The following WIPI1 variants were observed in gnomAD, a reference collection of about 807,000 sequenced individuals.
WIPI1 encodes the protein WD repeat domain, phosphoinositide interacting 1.
A neutral mutation model predicts 55.3 loss-of-function variants in WIPI1; 45 were observed. That is an observed-to-expected ratio of 0.81 (90% CI 0.64 to 1.04). WIPI1 has a LOEUF of 1.04. Ranked by LOEUF, WIPI1 falls within the 50% of genes least tolerant of loss-of-function variation. The pLI is 0.00. For missense variants in WIPI1, 445 were observed against 559.0 expected (o/e 0.80, Z 2.06); for synonymous variants, 195 against 217.6 (o/e 0.90, Z 0.92).
rs3217174 is a variant in WIPI1, at chr17:68,436,521, GGA to G, written c.431-44_431-43del. 4.0e-4 allele frequency: 633 copies of G among 1,585,852 alleles called. 4 individuals carry two copies. In the East Asian group the frequency reaches 0.011, roughly 29 times the overall value. On this transcript the variant is annotated intron_variant, in intron 4 of 12. Coordinates refer to ENST00000262139, the MANE Select transcript of WIPI1 (RefSeq NM_017983.7). The stretch of plus-strand genomic sequence containing the variant: ...AGAACATGAGAAGCCTGGGGCCAAG[GGA>G]GAGATTGCACGGCTGGAGAGGGCAT...
chr17:68,422,496 C>G (rs2082863655), intron 12 of WIPI1: 1 of 150,294 alleles, frequency 6.7e-6, no homozygotes, highest in Admixed American at 6.6e-5. Flanking sequence ...CTTTAGGAGG[C>G]TGAGGGGGGT....
At chr17:68,428,342 C>T (rs1477054891) in intron 10 of WIPI1, 4 of 159,256 alleles carry the variant, frequency 2.5e-5, no homozygotes, top group African/African-American at 9.7e-5. Context: ...GATTCTCCCA[C>T]CTCAGCCTCC....
intron 9 of WIPI1, among the ~76,000 whole-genome samples, chr17:68,429,659 G>T (rs1436036760): frequency 6.6e-6 from 1 of 152,036 alleles, no homozygotes; most frequent in African/African-American, 2.4e-5. Context: ...CATGATCTCG[G>T]CTCACTGCAA....
intron 4 of WIPI1, among the ~76,000 whole-genome samples, chr17:68,438,008 T>C (rs982046730): frequency 6.9e-6 from 1 of 145,938 alleles, no homozygotes; most frequent in Non-Finnish European, 1.5e-5. Context: ...GTATATTAAG[T>C]GGGTTTCTTC....
intron 4 of WIPI1, among the ~76,000 whole-genome samples, chr17:68,443,203 T>A (rs1402425811): frequency 3.3e-5 from 5 of 152,162 alleles, no homozygotes; most frequent in Non-Finnish European, 5.9e-5. Flanking sequence ...CTCCGCCTCC[T>A]GGGTTCAAGT....
intron 10 of WIPI1, chr17:68,428,606 T>C: frequency 2.0e-6 from 1 of 489,552 alleles, no homozygotes. Flanking sequence ...GGAGACCATC[T>C]TGTGTGTTAT....
At position 68,457,439 on chromosome 17, in the gene WIPI1, AAGCC is replaced by A; in HGVS notation, c.-22_-19del. On this transcript the variant is annotated 5_prime_UTR_variant, in exon 1 of 13. Coordinates refer to ENST00000262139, the MANE Select transcript of WIPI1 (RefSeq NM_017983.7). ...GCCTCCATCGGGGGCTCGGCCCGGG[AAGCC>A]GCAGCTCGGAGCCGGCGACAGCCAC... The A allele has an allele frequency of 2.4e-6, 1 of 416,338 alleles. No homozygotes were observed. Among genetic ancestry groups the A allele is most frequent in the South Asian group, 5.0e-5 (1 of 19,982 alleles). The allele number at this position is 416,338 out of a possible 1,614,324, so 25.8% of individuals were successfully genotyped here.
chr17:68,422,072 T>G (rs1474728254), intron 12 of WIPI1: 1 of 484,864 alleles, frequency 2.1e-6, no homozygotes, highest in Non-Finnish European at 3.7e-6. Context: ...TTTATATGTA[T>G]ATGTATATAT....
At chr17:68,440,094 G>A (rs1285232645) in intron 4 of WIPI1, among the ~76,000 whole-genome samples, 1 of 152,184 alleles carries the variant, frequency 6.6e-6, no homozygotes, top group African/African-American at 2.4e-5. Flanking sequence ...AAGGGACAAA[G>A]GATAAGAGTG....
In WIPI1 at chr17:68,457,468, C is replaced by T; in HGVS notation, c.-47G>A. 1.4e-6 allele frequency: 2 copies of T among 1,380,132 alleles called. No homozygotes were observed. Among genetic ancestry groups the T allele is most frequent in the Non-Finnish European group, 1.9e-6 (2 of 1,067,922 alleles). The allele number at this position is 1,380,132 out of a possible 1,614,324, so 85.5% of individuals were successfully genotyped here. A position where few individuals can be genotyped will look rare whatever the true frequency, so the allele number is the denominator to read the frequency against. The stretch of plus-strand genomic sequence containing the variant: ...CGCAGCTCGGAGCCGGCGACAGCCA[C>T]CTCAGCAGCCCGCCCGCGCCGGCTC... On this transcript the variant is annotated 5_prime_UTR_variant, in exon 1 of 13. It adds an upstream start codon to the 5' untranslated region. Coordinates refer to ENST00000262139, the MANE Select transcript of WIPI1 (RefSeq NM_017983.7).
rs1357300963 is a variant in WIPI1 at position 68,421,593 on chromosome 17, A to G, written c.*180T>C. ...ACAATGTCTCCCGCGCCCATTGGCA[A>G]CCAGGGTCGTGGGAAGCTTGGTGAG... On this transcript the variant is annotated 3_prime_UTR_variant, in exon 13 of 13. Coordinates refer to ENST00000262139, the MANE Select transcript of WIPI1 (RefSeq NM_017983.7). 1.3e-6 allele frequency: 1 copy of G among 760,738 alleles called. No homozygotes were observed. The highest frequency in any genetic ancestry group is 2.2e-6 in the Non-Finnish European group (1 of 453,008). 47.1% of individuals were successfully genotyped at this position (760,738 alleles called of 1,614,324 possible).
intron 1 of WIPI1, 135 bp downstream of exon 1, chr17:68,457,207 T>C: frequency 9.6e-7 from 1 of 1,039,938 alleles, no homozygotes; most frequent in Non-Finnish European, 1.4e-6. Context: ...AAGATCCCAA[T>C]GCGTCCGAAG....
chr17:68,421,851 C>T (rs1313333678), intron 12 of WIPI1, 31 bp from the exon 13 acceptor site: 3 of 1,614,072 alleles, frequency 1.9e-6, no homozygotes, highest in Admixed American at 1.7e-5. Context: ...TGGCCTTACT[C>T]TTCTCAGGAA....
chr17:68,436,550 TGAAAACA>T, intron 4 of WIPI1, 71 bp from the exon 5 acceptor site: 2 of 1,436,836 alleles, frequency 1.4e-6, no homozygotes, highest in Admixed American at 3.5e-5. Flanking sequence ...AGAGGGCATC[TGAAAACA>T]GTACAGCTAC....
chr17:68,447,925 A>G (rs1468307131), intron 3 of WIPI1, among the ~76,000 whole-genome samples: 4 of 143,208 alleles, frequency 2.8e-5, no homozygotes, highest in African/African-American at 1.0e-4. Flanking sequence ...CACGGGAGGT[A>G]GAGGTTGTGG....
chr17:68,455,516 G>A, intron 1 of WIPI1, among the ~76,000 whole-genome samples: 1 of 152,084 alleles, frequency 6.6e-6, no homozygotes, highest in East Asian at 1.9e-4. Flanking sequence ...AAAAGACATG[G>A]CAATACACCT....
chr17:68,435,561 C>T (rs530280107), intron 6 of WIPI1, 59 bp downstream of exon 6: 40 of 1,532,970 alleles, frequency 2.6e-5, no homozygotes, highest in African/African-American at 2.0e-4. Context: ...CCCATCCCTG[C>T]GCACGGCAGG....
At chr17:68,434,209 A>T (rs2083672916) in intron 7 of WIPI1, among the ~76,000 whole-genome samples, 2 of 152,164 alleles carry the variant, frequency 1.3e-5, no homozygotes, top group Non-Finnish European at 2.9e-5. Flanking sequence ...ATCCGATAAG[A>T]TCCCAAACAG....
At chr17:68,426,247 A>AGGGGGGGGGGG in intron 11 of WIPI1, 72 bp from the exon 12 acceptor site, 2 of 655,806 alleles carry the variant, frequency 3.0e-6, no homozygotes, top group African/African-American at 2.1e-5. Context: ...GCGGGTGGGG[A>AGGGGGGGGGGG]GCGGGGGCTC....
Sources: gnomAD v4.1 joint callset for allele counts (sites outside exome capture counted in the v4.1 genomes callset) on GRCh38, gnomAD v4.1.1 for gene constraint, MANE v1.5 for transcripts, NCBI Gene and HGNC (gene_info 2026-07-23, HGNC 2026-07-21) for gene names.